Variants in LAMA2 observed in about 807,000 individuals in gnomAD.
The protein encoded by LAMA2 is laminin subunit alpha-2.
Under a neutral mutation model 364.8 loss-of-function variants are expected in LAMA2, and 269 were observed. The ratio of observed to expected loss-of-function variants is 0.74; its 90% CI spans 0.67 to 0.82. The LOEUF is 0.82. Among genes scored for constraint, LAMA2 ranks in the 40% least tolerant of loss-of-function variants. The pLI is 0.00. For missense variants in LAMA2, 3,807 were observed against 3,873.2 expected, an observed-to-expected ratio of 0.98 and a Z score of 0.45; for synonymous variants, 1,379 against 1,370.6, an observed-to-expected ratio of 1.01 and a Z score of -0.14.
chr6:129,127,401 G>A (rs554722529), intron 4 of LAMA2, among the ~76,000 whole-genome samples: 39 of 152,230 alleles, frequency 2.6e-4, no homozygotes, highest in African/African-American at 8.4e-4. Flanking sequence ...GTATGTGTAC[G>A]ACGTTTTCTT....
At position 129,366,113 on chromosome 6, in the gene LAMA2, C is replaced by T. The variant is rs1777758011; in HGVS notation, c.4718-106C>T. 4 of 1,200,314 alleles carry T rather than the reference C, an allele frequency of 3.3e-6. 1 individual carries two copies. The South Asian group carries it at 3.7e-5, about 11-fold the overall frequency. The allele number at this position is 1,200,314 out of a possible 1,614,324, so 74.4% of individuals were successfully genotyped here. A position where few individuals can be genotyped will look rare whatever the true frequency, so the allele number is the denominator to read the frequency against. The stretch of plus-strand genomic sequence containing the variant: ...TTCTGAGATGAGTAGTTTCATCTTC[C>T]ATGGAATTATTCTTGGACCATAAAA... On this transcript the variant is annotated intron_variant, in intron 32 of 64. Transcript: ENST00000421865.
At chr6:128,978,505 A>G (rs1297787846) in intron 1 of LAMA2, among the ~76,000 whole-genome samples, 1 of 151,860 alleles carries the variant, frequency 6.6e-6, no homozygotes, top group Non-Finnish European at 1.5e-5. Flanking sequence ...TTTAGTAGAG[A>G]CAAGGTTTCA....
At chr6:129,330,811 A>G (rs768195600) in intron 29 of LAMA2, among the ~76,000 whole-genome samples, 1 of 149,788 alleles carries the variant, frequency 6.7e-6, no homozygotes, top group African/African-American at 2.5e-5. Flanking sequence ...TCCTTTACTT[A>G]TTTTTTACTC....
chr6:129,236,360 A>G (rs1176853098), intron 12 of LAMA2, among the ~76,000 whole-genome samples: 1 of 152,200 alleles, frequency 6.6e-6, no homozygotes, highest in Non-Finnish European at 1.5e-5. Flanking sequence ...AAGTATTTTT[A>G]AAATGAAACA....
chr6:129,311,135 T>A (rs916773382), intron 22 of LAMA2, among the ~76,000 whole-genome samples: 3 of 151,950 alleles, frequency 2.0e-5, no homozygotes, highest in African/African-American at 4.8e-5. Context: ...TTCTTTTTTT[T>A]TTTTTAGACA....
chr6:129,224,162 A>G (rs907659922), intron 12 of LAMA2, among the ~76,000 whole-genome samples: 2 of 152,172 alleles, frequency 1.3e-5, no homozygotes, highest in Non-Finnish European at 2.9e-5. Flanking sequence ...TTGTTAGTGT[A>G]TAAGAATGCT....
chr6:129,102,089 T>A (rs1775547488), intron 4 of LAMA2, among the ~76,000 whole-genome samples: 1 of 151,934 alleles, frequency 6.6e-6, no homozygotes, highest in Admixed American at 6.5e-5. Flanking sequence ...TATTTTTCAG[T>A]TTCTAAATTT....
intron 3 of LAMA2, among the ~76,000 whole-genome samples, chr6:129,080,250 C>T (rs1183649464): frequency 1.3e-5 from 2 of 152,080 alleles, no homozygotes; most frequent in African/African-American, 4.8e-5. Flanking sequence ...AGTTAGAAAA[C>T]AATAGAGCAC....
In LAMA2 at chr6:129,393,193, G is replaced by T. The variant is rs1210541730; in HGVS notation, c.5383G>T (p.Asp1795Tyr). ...DAWDLLREAT[D>Y]KIREANRLFA... The stretch of plus-strand genomic sequence containing the variant: ...TTGGGACCTTTTGAGAGAAGCCACA[G>T]ATAAAATCAGAGAAGCTAATCGCCT... The change falls in exon 37 of 65, where the codon GAT (aspartate) becomes TAT (tyrosine). Residue 1795 changes from aspartate (D) to tyrosine (Y), a missense_variant. Physicochemically the swap from Asp to Tyr is radical, Grantham distance 160 (BLOSUM62 -3). This residue lies in a region of LAMA2 where 3,333 missense variants were observed against 3,345.7 expected (regional missense o/e 1.00). Transcript: ENST00000421865. 1 of 1,614,084 alleles carries T rather than the reference G, an allele frequency of 6.2e-7. No individual in the cohort carries two copies. Among genetic ancestry groups the T allele is most frequent in the East Asian group, 2.2e-5 (1 of 44,870 alleles).
intron 1 of LAMA2, among the ~76,000 whole-genome samples, chr6:128,973,594 T>C (rs1223035399): frequency 4.6e-5 from 7 of 152,226 alleles, no homozygotes; most frequent in Non-Finnish European, 8.8e-5. Context: ...CTCTAACTTA[T>C]TGGCTTATTA....
chr6:129,297,817 G>T lies in LAMA2; in HGVS notation c.2989G>T (p.Asp997Tyr). ...ACCTGGAGTCACAGGGAAGAAATGTGACCGCTGTGCCCACGGCTATTTCAA... is the reference window on the plus strand; with the variant it reads ...ACCTGGAGTCACAGGGAAGAAATGTTACCGCTGTGCCCACGGCTATTTCAA... Reference protein sequence around the residue: ...CQPGVTGKKCDRCAHGYFNFQ... With the variant: ...CQPGVTGKKCYRCAHGYFNFQ... Residue 997 changes from aspartate to tyrosine, a missense_variant, in exon 21 of 65, where the codon GAC becomes TAC. By Grantham distance (160) the Asp-to-Tyr change is radical (BLOSUM62 -3). This residue lies in a region of LAMA2 where 3,333 missense variants were observed against 3,345.7 expected (regional missense o/e 1.00). Coordinates refer to ENST00000421865, the MANE Select transcript of LAMA2 (RefSeq NM_000426.4). 6.2e-7 allele frequency: 1 copy of T among 1,613,984 alleles called. No homozygotes were observed. The highest frequency in any genetic ancestry group is 1.1e-5 in the South Asian group (1 of 91,050).
Position 129,439,118 on chromosome 6 carries a change from A to C in LAMA2, c.6085+356A>C, listed in dbSNP as rs191019815. 9.3e-4 allele frequency among the ~76,000 whole-genome samples: 141 copies of C among 152,134 alleles called. 1 individual carries two copies. In the Middle Eastern group the frequency reaches 0.02, roughly 22 times the overall value. ...TGAATACTCAAGTCCCTTTTATAAAATGGCATAGTATTTGCATATAACCTA... is the reference window on the plus strand; with the variant it reads ...TGAATACTCAAGTCCCTTTTATAAACTGGCATAGTATTTGCATATAACCTA... On this transcript the variant is annotated intron_variant, in intron 42 of 64. Transcript: ENST00000421865.
At chr6:129,061,002 G>A (rs1286203126) in intron 3 of LAMA2, among the ~76,000 whole-genome samples, 3 of 152,314 alleles carry the variant, frequency 2.0e-5, no homozygotes, top group Admixed American at 2.0e-4. Flanking sequence ...GCAGCTGAAT[G>A]TCAGTCCTGA....
chr6:129,303,890 C>A (rs1026888809), intron 22 of LAMA2, among the ~76,000 whole-genome samples: 22 of 152,030 alleles, frequency 1.4e-4, no homozygotes, highest in African/African-American at 5.3e-4. Flanking sequence ...GCGTTGTCGT[C>A]GGGATGAGGT....
At chr6:129,229,513 T>G (rs745689867) in intron 12 of LAMA2, among the ~76,000 whole-genome samples, 4 of 152,162 alleles carry the variant, frequency 2.6e-5, no homozygotes, top group Non-Finnish European at 4.4e-5. Flanking sequence ...TTTCTTGCAA[T>G]GCAATGAGAA....
chr6:129,240,991 A>C (rs899073657), intron 12 of LAMA2, among the ~76,000 whole-genome samples: 2 of 152,202 alleles, frequency 1.3e-5, no homozygotes, highest in African/African-American at 4.8e-5. Context: ...CAGTACAGTA[A>C]GCTTTTTATA....
chr6:129,394,029 G>T (rs572887683), intron 37 of LAMA2, among the ~76,000 whole-genome samples: 1 of 152,142 alleles, frequency 6.6e-6, no homozygotes, highest in South Asian at 2.1e-4. Flanking sequence ...AACTAAAACA[G>T]ATTCCTCCAT....
chr6:129,155,793 GTAATA>G (rs1172858941), intron 8 of LAMA2, among the ~76,000 whole-genome samples: 1 of 151,844 alleles, frequency 6.6e-6, no homozygotes, highest in Non-Finnish European at 1.5e-5. Context: ...TAGAATTTAG[GTAATA>G]TAATGTACCA....
intron 12 of LAMA2, among the ~76,000 whole-genome samples, chr6:129,200,351 CACATAT>C (rs1266541638): frequency 1.5e-5 from 2 of 133,712 alleles, no homozygotes; most frequent in Non-Finnish European, 3.3e-5. Flanking sequence ...TATATGTGTA[CACATAT>C]ACATATACAC....
Sources: allele counts gnomAD v4.1 joint callset (sites outside exome capture counted in the v4.1 genomes callset), GRCh38; gene constraint gnomAD v4.1.1; regional missense constraint gnomAD v4.1.1; transcripts MANE v1.5; gene names NCBI Gene and HGNC (gene_info 2026-07-23, HGNC 2026-07-21).